Variants in DMD observed in about 807,000 individuals in gnomAD.
DMD encodes the protein dystrophin, also known as mutant dystrophin.
Under a neutral mutation model 330.1 loss-of-function variants are expected in DMD, and 63 were observed. The ratio of observed to expected loss-of-function variants is 0.19; its 90% confidence interval spans 0.16 to 0.24. The LOEUF is 0.24. Among genes scored for constraint, DMD ranks in the 10% least tolerant of loss-of-function variants. DMD has a pLI of 1.00. For synonymous variants in DMD, 1,223 were observed against 959.8 expected (o/e 1.27, Z -5.07); for missense variants, 3,344 against 2,684.1 (o/e 1.25, Z -5.43).
chrX:32,819,599 A>G (rs935061330), intron 5 of DMD, among the ~76,000 whole-genome samples: 34 of 111,930 alleles, frequency 3.0e-4, no homozygotes, highest in Admixed American at 8.6e-4. Context: ...GGACAGTAGA[A>G]AAACAGTAAT....
intron 2 of DMD, chrX:32,960,456 A>C (rs2147031091): frequency 8.9e-6 from 1 of 112,167 alleles, no homozygotes; most frequent in South Asian, 3.7e-4. Context: ...CTGCCAAAAT[A>C]ATTTACCCTT....
chrX:31,379,262 G>A (rs1015097053), intron 60 of DMD, among the ~76,000 whole-genome samples: 14 of 110,944 alleles, frequency 1.3e-4, no homozygotes, highest in African/African-American at 3.9e-4. Flanking sequence ...CACCCGGTCC[G>A]GCTTACAGTT....
At chrX:33,184,595 T>C (rs990076643) in intron 1 of DMD, among the ~76,000 whole-genome samples, 8 of 111,214 alleles carry the variant, frequency 7.2e-5, no homozygotes, top group African/African-American at 2.6e-4. Context: ...ATGACTAAGA[T>C]GAAAATAATA....
At chrX:32,634,219 T>C (rs1407368390) in intron 11 of DMD, among the ~76,000 whole-genome samples, 2 of 111,665 alleles carry the variant, frequency 1.8e-5, no homozygotes, top group African/African-American at 3.3e-5. Context: ...CAGCCTGTGG[T>C]GAATGCTGTC....
In DMD at chrX:32,012,107, C is replaced by A. The variant is rs146178166; in HGVS notation, c.6439-43593G>T. 4.0e-4 allele frequency among the ~76,000 whole-genome samples: 45 copies of A among 112,317 alleles called. 2 individuals are homozygous for A. The East Asian group carries it at 8.2e-3, about 21-fold the overall frequency. On this transcript the variant is annotated intron_variant, in intron 44 of 78. Coordinates refer to ENST00000357033, the MANE Select transcript of DMD (RefSeq NM_004006.3). ...AACAATGTGATGGCCATTGCCTTTT[C>A]CCTGAAATATTGCAATAGCCTACTA...
chrX:31,479,481 T>C (rs760843975), intron 57 of DMD, among the ~76,000 whole-genome samples: 9 of 112,236 alleles, frequency 8.0e-5, no homozygotes, highest in Non-Finnish European at 1.5e-4. Context: ...AAATAGTGGA[T>C]ATCCAGAACA....
At chrX:31,177,907 A>AC (rs1398864485) in intron 71 of DMD, 25 bp downstream of exon 71, 1 of 1,179,226 alleles carries the variant, frequency 8.5e-7, no homozygotes, top group Non-Finnish European at 1.2e-6. Context: ...TGGTAGCAGC[A>AC]CCCTTCAGCA....
chrX:32,020,403 T>A (rs997368383), intron 44 of DMD, among the ~76,000 whole-genome samples: 1 of 112,524 alleles, frequency 8.9e-6, no homozygotes, highest in Non-Finnish European at 1.9e-5. Context: ...GAAACTGTTA[T>A]GGACTGAAGT....
chrX:31,447,968 C>A (rs1332857229), intron 59 of DMD, among the ~76,000 whole-genome samples: 1 of 98,089 alleles, frequency 1.0e-5, no homozygotes, highest in Non-Finnish European at 2.0e-5. Flanking sequence ...GATGGCACCA[C>A]TGCACTCACT....
At chrX:31,944,545 T>G (rs773625644) in intron 45 of DMD, among the ~76,000 whole-genome samples, 1 of 107,238 alleles carries the variant, frequency 9.3e-6, no homozygotes, top group South Asian at 4.3e-4. Flanking sequence ...TGGTGCGATC[T>G]CGGCTCACTG....
intron 7 of DMD, among the ~76,000 whole-genome samples, chrX:32,733,810 A>C (rs1364972013): frequency 9.5e-6 from 1 of 104,716 alleles, no homozygotes; most frequent in Non-Finnish European, 2.0e-5. Context: ...AAGAGAAAGC[A>C]GGAAAGATCC....
At chrX:31,914,081 C>T (rs1394651436) in intron 47 of DMD, among the ~76,000 whole-genome samples, 2 of 112,161 alleles carry the variant, frequency 1.8e-5, no homozygotes, top group African/African-American at 6.5e-5. Context: ...TCCTTGACTT[C>T]AAAAAGCTTT....
chrX:31,284,892 C>CT (rs2147932701), intron 62 of DMD, among the ~76,000 whole-genome samples: 1 of 108,092 alleles, frequency 9.3e-6, no homozygotes, highest in African/African-American at 3.4e-5. Context: ...AGTATGTATT[C>CT]TTTTTTATCA....
intron 42 of DMD, among the ~76,000 whole-genome samples, chrX:32,294,801 AC>A (rs1281654728): frequency 3.6e-5 from 4 of 111,154 alleles, no homozygotes; most frequent in Non-Finnish European, 5.7e-5. Context: ...TGGTATGTGC[AC>A]CAAAGAAAAT....
At position 33,190,874 on chromosome X, in the gene DMD, TATATAATATATAATATTATATATTATATA is replaced by T. The variant is rs1569557955; in HGVS notation, c.31+20379_31+20407del. On this transcript the variant is annotated intron_variant, in intron 1 of 78. Transcript: ENST00000357033. ...TATAATATATAATATTATATATATA[TATATAATATATAATATTATATATTATATA>T]ATATATAATATTATATATATAATAT... Among the ~76,000 whole-genome samples, 16 of 16,628 alleles carry T rather than the reference TATATAATATATAATATTATATATTATATA, an allele frequency of 9.6e-4. 3 individuals are homozygous for T. The highest frequency in any genetic ancestry group is 2.9e-3 in the African/African-American group (16 of 5,472). 14.4% of individuals were successfully genotyped at this position (16,628 alleles called of 115,157 possible).
intron 64 of DMD, among the ~76,000 whole-genome samples, chrX:31,221,933 C>T (rs2046088885): frequency 9.0e-6 from 1 of 111,638 alleles, no homozygotes; most frequent in African/African-American, 3.3e-5. Flanking sequence ...TGGCTCATGC[C>T]TGTAATCCCA....
chrX:31,774,956 T>C (rs961274598), intron 50 of DMD, among the ~76,000 whole-genome samples: 8 of 111,635 alleles, frequency 7.2e-5, no homozygotes, highest in Non-Finnish European at 1.5e-4. Context: ...AGATGCATAG[T>C]ACTAGAATTA....
chrX:32,726,682 T>A lies in DMD; in HGVS notation c.650-27389A>T, dbSNP rs190968416. ...ATAAGGACTGCATGGGTTTATAAAT[T>A]ATTTGTGGGAAGTTTTTTTTATTAT... On this transcript the variant is annotated intron_variant, in intron 7 of 78. Coordinates refer to ENST00000357033, the MANE Select transcript of DMD (RefSeq NM_004006.3). Among the ~76,000 whole-genome samples, 56 of 111,029 alleles carry A rather than the reference T, an allele frequency of 5.0e-4. No homozygotes were observed. The East Asian group carries it at 0.013, about 25-fold the overall frequency.
chrX:32,869,145 A>G (rs1307764834), intron 2 of DMD, among the ~76,000 whole-genome samples: 6 of 111,013 alleles, frequency 5.4e-5, no homozygotes, highest in Non-Finnish European at 1.1e-4. Context: ...AACCCCCAAC[A>G]AACTGCAGCA....
Sources: gnomAD v4.1 joint callset for allele counts (sites outside exome capture counted in the v4.1 genomes callset) on GRCh38, gnomAD v4.1.1 for gene constraint, MANE v1.5 for transcripts, NCBI Gene and HGNC (gene_info 2026-07-23, HGNC 2026-07-21) for gene names.